SCAPER: variants seen among roughly 807,000 people sequenced by gnomAD.
The protein encoded by SCAPER is S phase cyclin A-associated protein in the endoplasmic reticulum.
SCAPER carries 98 observed loss-of-function variants against 182.2 expected under a neutral mutation model. The ratio of observed to expected loss-of-function variants is 0.54; its 90% CI spans 0.46 to 0.64. The LOEUF (loss-of-function observed/expected upper bound fraction) is 0.64. Among genes scored for constraint, SCAPER ranks in the 30% least tolerant of loss-of-function variants. The pLI, the probability that SCAPER is intolerant of heterozygous loss-of-function variation, is 0.00. For synonymous variants in SCAPER, 605 were observed against 564.6 expected, an observed-to-expected ratio of 1.07 and a Z score of -1.01; for missense variants, 1,432 against 1,690.0, an observed-to-expected ratio of 0.85 and a Z score of 2.68.
intron 23 of SCAPER, among the ~76,000 whole-genome samples, chr15:76,518,752 C>T (rs542705107): frequency 2.8e-4 from 42 of 152,296 alleles, no homozygotes; most frequent in African/African-American, 1.0e-3. Flanking sequence ...CTTCAAGGTA[C>T]CCACATTAAT....
chr15:76,525,719 A>G (rs1211199226), intron 23 of SCAPER, among the ~76,000 whole-genome samples: 2 of 152,224 alleles, frequency 1.3e-5, no homozygotes, highest in African/African-American at 4.8e-5. Context: ...GTAGTATTCA[A>G]TGGTGTATAT....
chr15:76,771,601 T>C lies in SCAPER; in HGVS notation c.1248+141A>G, dbSNP rs2063474936. 5 of 620,236 alleles carry C rather than the reference T, an allele frequency of 8.1e-6. No individual in the cohort carries two copies. The Admixed American group carries it at 1.0e-4, about 13-fold the overall frequency. 38.4% of individuals were successfully genotyped at this position (620,236 alleles called of 1,614,324 possible). On this transcript the variant is annotated intron_variant, in intron 10 of 31. Transcript: ENST00000563290. ...TAACTATATCAAAAGTTTACCAAAA[T>C]AATAAAATGTTAAAATGAAATAAAT...
intron 23 of SCAPER, among the ~76,000 whole-genome samples, chr15:76,549,329 T>A (rs1377097080): frequency 6.6e-6 from 1 of 152,182 alleles, no homozygotes; most frequent in Non-Finnish European, 1.5e-5. Flanking sequence ...GCGGCACTAT[T>A]CACAACAGCA....
At chr15:76,773,445 A>G (rs1348371428) in intron 9 of SCAPER, among the ~76,000 whole-genome samples, 2 of 151,980 alleles carry the variant, frequency 1.3e-5, no homozygotes, top group East Asian at 3.8e-4. Flanking sequence ...CACAGCAAAA[A>G]TGCTAGCTGT....
rs370223390 is a variant in SCAPER, at chr15:76,820,181, C to T, written c.394-15548G>A. Among the ~76,000 whole-genome samples, 4 of 152,150 alleles carry T rather than the reference C, an allele frequency of 2.6e-5. No individual in the cohort carries two copies. The South Asian group carries it at 6.2e-4, about 24-fold the overall frequency. The stretch of plus-strand genomic sequence containing the variant: ...TCAACCATTGTGGAAGTCGGTGTGG[C>T]GATTCCTCAGGGATCTAGAACTAGA... On this transcript the variant is annotated intron_variant, in intron 5 of 31. Transcript: ENST00000563290.
At chr15:76,522,363 A>C (rs2042900102) in intron 23 of SCAPER, among the ~76,000 whole-genome samples, 1 of 152,180 alleles carries the variant, frequency 6.6e-6, no homozygotes, top group Non-Finnish European at 1.5e-5. Flanking sequence ...GTAGGAAGTC[A>C]GTTACAAGAT....
In SCAPER at chr15:76,800,270, C is replaced by G. The variant is rs764960377; in HGVS notation, c.589G>C (p.Ala197Pro). ...STDRINVTSN[A>P]RRSLNFGGST... ...CACCCAAAATTTAAGCTTCGTCGAG[C>G]ATTTGATGTTACATTTATTCTATCT... Residue 197 changes from alanine to proline, a missense_variant, in exon 7 of 32, where the codon GCT (alanine) becomes CCT (proline). Ala to Pro is a conservative substitution (Grantham distance 27). This residue lies in a region of SCAPER where 480 missense variants were observed against 510.2 expected (regional missense o/e 0.94). Transcript: ENST00000563290. The G allele has an allele frequency of 6.2e-7, 1 of 1,611,754 alleles. No homozygotes were observed. Among genetic ancestry groups the G allele is most frequent in the Non-Finnish European group, 8.5e-7 (1 of 1,178,666 alleles).
intron 24 of SCAPER, among the ~76,000 whole-genome samples, chr15:76,487,784 C>T (rs975238549): frequency 2.0e-5 from 3 of 152,090 alleles, no homozygotes; most frequent in Non-Finnish European, 4.4e-5. Flanking sequence ...GGTTGTTCTG[C>T]CTTAGGCCCT....
At chr15:76,631,399 T>C (rs896668075) in intron 21 of SCAPER, among the ~76,000 whole-genome samples, 1 of 152,214 alleles carries the variant, frequency 6.6e-6, no homozygotes. Context: ...GGTCTGTGTA[T>C]GTCAGCGTGT....
chr15:76,361,560 A>G (rs1056086807), intron 29 of SCAPER, among the ~76,000 whole-genome samples: 6 of 152,270 alleles, frequency 3.9e-5, no homozygotes, highest in African/African-American at 1.4e-4. Context: ...GACTGAAATC[A>G]GCAATTAGAA....
chr15:76,759,290 A>G (rs2062634433), intron 14 of SCAPER, among the ~76,000 whole-genome samples: 1 of 152,096 alleles, frequency 6.6e-6, no homozygotes, highest in South Asian at 2.1e-4. Flanking sequence ...AACTTTATTT[A>G]TCGTATAATA....
intron 8 of SCAPER, among the ~76,000 whole-genome samples, chr15:76,794,267 C>G (rs376132705): frequency 1.8e-4 from 28 of 152,286 alleles, no homozygotes; most frequent in African/African-American, 6.7e-4. Context: ...AAGTGGACTG[C>G]TTTAAACGAA....
intron 15 of SCAPER, among the ~76,000 whole-genome samples, chr15:76,751,064 A>T (rs1033098258): frequency 9.9e-5 from 15 of 151,822 alleles, no homozygotes; most frequent in Non-Finnish European, 1.5e-5. Context: ...AACACACAAA[A>T]ATCAATTGCA....
At chr15:76,866,814 T>C (rs552037073) in intron 2 of SCAPER, among the ~76,000 whole-genome samples, 4 of 152,260 alleles carry the variant, frequency 2.6e-5, no homozygotes, top group Admixed American at 2.6e-4. Context: ...CTTCATAAAA[T>C]AGATGTCTAT....
chr15:76,734,422 A>T (rs1449097800), intron 15 of SCAPER, among the ~76,000 whole-genome samples: 1 of 152,342 alleles, frequency 6.6e-6, no homozygotes, highest in African/African-American at 2.4e-5. Flanking sequence ...TCCATGCTGG[A>T]TGGAACAAAA....
At chr15:76,834,782 T>C (rs1490434276) in intron 5 of SCAPER, among the ~76,000 whole-genome samples, 1 of 152,014 alleles carries the variant, frequency 6.6e-6, no homozygotes, top group Non-Finnish European at 1.5e-5. Flanking sequence ...CTTCTGTGCA[T>C]ACCAACTGGA....
rs558447518 is a variant in SCAPER at position 76,677,170 on chromosome 15, C to T, written c.2509-11381G>A. Among the ~76,000 whole-genome samples, 36 of 152,054 alleles carry T rather than the reference C, an allele frequency of 2.4e-4. 1 individual carries two copies. The highest frequency in any genetic ancestry group is 8.0e-4 in the African/African-American group (33 of 41,472). On this transcript the variant is annotated intron_variant, in intron 20 of 31. Coordinates refer to ENST00000563290, the MANE Select transcript of SCAPER (RefSeq NM_020843.4). ...AAATCTTCCCAAAAGGTGCCTGGATCTCCTTCCTTCCTAATATAATTTTTA... is the reference window on the plus strand; with the variant it reads ...AAATCTTCCCAAAAGGTGCCTGGATTTCCTTCCTTCCTAATATAATTTTTA...
intron 22 of SCAPER, among the ~76,000 whole-genome samples, chr15:76,609,355 G>A (rs865918063): frequency 2.8e-4 from 43 of 152,042 alleles, no homozygotes; most frequent in Middle Eastern, 6.8e-3. Flanking sequence ...TGGGCATGGT[G>A]GCGTGTGCCT....
intron 5 of SCAPER, among the ~76,000 whole-genome samples, chr15:76,824,360 C>G (rs1420309208): frequency 2.0e-5 from 3 of 152,174 alleles, no homozygotes; most frequent in Admixed American, 6.5e-5. Flanking sequence ...TGGCGCCATC[C>G]CTTTGTCCTC....
Sources: gnomAD v4.1 joint callset for allele counts (sites outside exome capture counted in the v4.1 genomes callset) on GRCh38, gnomAD v4.1.1 for gene constraint, gnomAD v4.1.1 regional missense constraint, MANE v1.5 for transcripts, NCBI Gene and HGNC (gene_info 2026-07-23, HGNC 2026-07-21) for gene names.